TNRC6C: variants seen among roughly 807,000 people sequenced by gnomAD.
TNRC6C encodes the protein trinucleotide repeat containing adaptor 6C.
Under a neutral mutation model 153.7 loss-of-function variants are expected in TNRC6C, and 20 were observed. That is an observed-to-expected ratio of 0.13 (90% confidence interval 0.09 to 0.19). The LOEUF (loss-of-function observed/expected upper bound fraction) is 0.19. Among genes scored for constraint, TNRC6C ranks in the 10% least tolerant of loss-of-function variants. The pLI is 1.00. For synonymous variants in TNRC6C, 811 were observed against 841.4 expected (o/e 0.96, Z 0.63); for missense variants, 1,987 against 2,172.0 (o/e 0.91, Z 1.69).
chr17:78,006,510 C>CT (rs1356437815), intron 1 of TNRC6C, among the ~76,000 whole-genome samples: 3 of 110,948 alleles, frequency 2.7e-5, no homozygotes, highest in Non-Finnish European at 5.7e-5. Context: ...TCTTCTTCTT[C>CT]TTCTTCTTCT....
At chr17:78,024,830 T>C (rs2071906182) in intron 1 of TNRC6C, among the ~76,000 whole-genome samples, 1 of 152,064 alleles carries the variant, frequency 6.6e-6, no homozygotes, top group African/African-American at 2.4e-5. Flanking sequence ...AGTCTTGCTC[T>C]GTTGCCCAGG....
Position 78,064,718 on chromosome 17 carries a change from T to C in TNRC6C, c.2396-4T>C. On this transcript the variant is annotated splice_polypyrimidine_tract_variant and splice_region_variant and intron_variant, in intron 3 of 19. Transcript: ENST00000301624. Reference sequence around the variant, plus strand: ...TTTTCTCTACCCCTTGGAACCTTTTTCAGTTTCATCAGGCTGGGGAGAAAT... The same window carrying C: ...TTTTCTCTACCCCTTGGAACCTTTTCCAGTTTCATCAGGCTGGGGAGAAAT... 6.2e-7 allele frequency: 1 copy of C among 1,613,394 alleles called. No homozygotes were observed. The highest frequency in any genetic ancestry group is 8.5e-7 in the Non-Finnish European group (1 of 1,179,750).
intron 1 of TNRC6C, among the ~76,000 whole-genome samples, chr17:77,998,059 G>A (rs534638569): frequency 6.6e-6 from 1 of 151,634 alleles, no homozygotes; most frequent in South Asian, 2.1e-4. Context: ...GTGTAGTTAC[G>A]TGAGTTTTAA....
chr17:78,017,981 T>A (rs1567917486), intron 1 of TNRC6C, among the ~76,000 whole-genome samples: 1 of 152,260 alleles, frequency 6.6e-6, no homozygotes, highest in Non-Finnish European at 1.5e-5. Flanking sequence ...CTTGTCCCAC[T>A]GTTCCTTTTA....
chr17:78,059,046 G>A (rs1046754362), intron 3 of TNRC6C, among the ~76,000 whole-genome samples: 1 of 152,162 alleles, frequency 6.6e-6, no homozygotes, highest in East Asian at 1.9e-4. Flanking sequence ...GTTTCTATAA[G>A]TCTCATTAGC....
At chr17:78,044,255 C>T (rs756658059) in intron 2 of TNRC6C, among the ~76,000 whole-genome samples, 9 of 152,186 alleles carry the variant, frequency 5.9e-5, no homozygotes, top group Non-Finnish European at 1.2e-4. Context: ...GGTTGCTAGT[C>T]AACATGGCAA....
chr17:78,007,988 T>C (rs192205428), intron 1 of TNRC6C, among the ~76,000 whole-genome samples: 2 of 152,324 alleles, frequency 1.3e-5, no homozygotes, highest in Non-Finnish European at 2.9e-5. Context: ...TTCAAGGAAC[T>C]TTTTAGAATA....
chr17:78,030,150 CT>C (rs373605701), intron 1 of TNRC6C, among the ~76,000 whole-genome samples: 8 of 149,198 alleles, frequency 5.4e-5, no homozygotes, highest in Non-Finnish European at 4.5e-5. Flanking sequence ...ATGTGCTAGA[CT>C]TTTTTTTTTG....
rs181099354 is a variant in TNRC6C at position 78,104,601 on chromosome 17, C to T, written c.4829C>T (p.Ala1610Val). 19 of 1,552,856 alleles carry T rather than the reference C, an allele frequency of 1.2e-5. No homozygotes were observed. The highest frequency in any genetic ancestry group is 3.6e-5 in the South Asian group (3 of 84,332). Reference sequence around the variant, plus strand: ...ACTTCCAGCTGGCAGTCCAGCAGCGCGTCCAGCCAGCCGCGGCTCAGCGCA... The same window carrying T: ...ACTTCCAGCTGGCAGTCCAGCAGCGTGTCCAGCCAGCCGCGGCTCAGCGCA... The change falls in exon 20 of 20, where the codon GCG becomes GTG. Residue 1610 changes from alanine to valine, a missense_variant. Physicochemically the swap from Ala to Val is moderately conservative, Grantham distance 64 (BLOSUM62 0). Around this residue, in one of 4 missense-constraint regions of TNRC6C, gnomAD observed 139 missense variants for 148.5 expected, o/e 0.94. Transcript: ENST00000301624. The surrounding 1 kb of genome is among the most constrained non-coding windows in gnomAD (Gnocchi z 6.2).
exon 6 of TNRC6C, chr17:78,071,101 G>A (rs753885680): frequency 2.5e-6 from 4 of 1,605,816 alleles, no homozygotes; most frequent in Non-Finnish European, 3.4e-6. Context: ...AAGACGTCTG[G>A]CAAGCAGGAT....
At chr17:78,084,671 C>A (rs1293957654) in intron 11 of TNRC6C, among the ~76,000 whole-genome samples, 2 of 150,828 alleles carry the variant, frequency 1.3e-5, no homozygotes, top group African/African-American at 2.4e-5. Flanking sequence ...CTCTGTTGCC[C>A]AGGCTGGAGT....
In TNRC6C at chr17:78,076,692, T is replaced by C. The variant is rs368447395; in HGVS notation, c.3061-493T>C. Among the ~76,000 whole-genome samples, 8 of 152,270 alleles carry C rather than the reference T, an allele frequency of 5.3e-5. No individual in the cohort carries two copies. The South Asian group carries it at 8.3e-4, about 16-fold the overall frequency. On this transcript the variant is annotated intron_variant, in intron 8 of 19. Coordinates refer to ENST00000301624, the Ensembl canonical transcript of TNRC6C. ...GACCTGGCACACAGCATGACCTCAGTAGATGTTAAAAAAAAATTAATAAGG... is the reference window on the plus strand; with the variant it reads ...GACCTGGCACACAGCATGACCTCAGCAGATGTTAAAAAAAAATTAATAAGG...
Position 78,016,769 on chromosome 17 carries a change from T to C in TNRC6C, c.-546+11690T>C, listed in dbSNP as rs80261573. 9.2e-5 allele frequency among the ~76,000 whole-genome samples: 14 copies of C among 152,346 alleles called. No individual in the cohort carries two copies. The East Asian group carries it at 2.7e-3, about 29-fold the overall frequency. Reference sequence around the variant, plus strand: ...TGAGAGGAGGAGGATTATTATACTATAAACGCTTACTGTGTACTAAGTGCC... The same window carrying C: ...TGAGAGGAGGAGGATTATTATACTACAAACGCTTACTGTGTACTAAGTGCC... On this transcript the variant is annotated intron_variant, in intron 1 of 19. Transcript: ENST00000301624.
At chr17:78,085,351 A>G (rs2073261361) in intron 11 of TNRC6C, among the ~76,000 whole-genome samples, 1 of 152,234 alleles carries the variant, frequency 6.6e-6, no homozygotes, top group African/African-American at 2.4e-5. Context: ...AATTGGAAAA[A>G]TAAAGTTTCA....
At chr17:78,001,343 C>T (rs2071409060), upstream of TNRC6C, among the ~76,000 whole-genome samples, 1 of 152,216 alleles carries the variant, frequency 6.6e-6, no homozygotes, top group South Asian at 2.1e-4. Flanking sequence ...CAGATTTCCT[C>T]CTTACCTAGT....
In TNRC6C at chr17:78,104,301, T is replaced by C. The variant is rs572501931; in HGVS notation, c.4713-184T>C. ...AGATGTACTCTGTGTACCAGTACGA[T>C]GTTGCCACTAGAAGTCTGAACTGAG... is the stretch of plus-strand genomic sequence containing the variant. On this transcript the variant is annotated intron_variant, in intron 19 of 19. Coordinates refer to ENST00000301624, the Ensembl canonical transcript of TNRC6C. The surrounding 1 kb of genome is among the most constrained non-coding windows in gnomAD (Gnocchi z 6.2). Among the ~76,000 whole-genome samples the C allele has an allele frequency of 2.3e-4, 35 of 152,352 alleles. No individual in the cohort carries two copies. The highest frequency in any genetic ancestry group is 7.7e-4 in the African/African-American group (32 of 41,580).
intron 11 of TNRC6C, among the ~76,000 whole-genome samples, chr17:78,084,774 G>A (rs1431696469): frequency 3.3e-5 from 5 of 151,810 alleles, no homozygotes; most frequent in East Asian, 1.9e-4. Context: ...GATTACAGGC[G>A]CCCGCCACCA....
intron 17 of TNRC6C, among the ~76,000 whole-genome samples, chr17:78,101,010 C>T (rs1192450571): frequency 6.6e-6 from 1 of 151,978 alleles, no homozygotes; most frequent in East Asian, 1.9e-4. Context: ...TCCTGACCTC[C>T]CGTAATCCAC....
chr17:77,984,014 G>T (rs2071119924), intron 1 of TNRC6C, among the ~76,000 whole-genome samples: 1 of 152,110 alleles, frequency 6.6e-6, no homozygotes, highest in African/African-American at 2.4e-5. Context: ...AAATATAGAG[G>T]GTGTGTATGG....
Sources: gnomAD v4.1 joint callset for allele counts (sites outside exome capture counted in the v4.1 genomes callset) on GRCh38, gnomAD v4.1.1 for gene constraint, gnomAD v4.1.1 regional missense constraint, Gnocchi (gnomAD v3.1) non-coding constraint, MANE v1.5 for transcripts, NCBI Gene and HGNC (gene_info 2026-07-23, HGNC 2026-07-21) for gene names.